ARHGEF26: variants seen among roughly 807,000 people sequenced by gnomAD.
The protein encoded by ARHGEF26 is Rho guanine nucleotide exchange factor (GEF) 26.
ARHGEF26 carries 59 observed loss-of-function variants against 89.4 expected under a neutral mutation model. The ratio of observed to expected loss-of-function variants is 0.66; its 90% confidence interval spans 0.54 to 0.82. The LOEUF is 0.82. ARHGEF26 is among the 40% of genes least tolerant of loss of function. The pLI is 0.00. For missense variants in ARHGEF26, 1,234 were observed against 1,085.6 expected (o/e 1.14, Z -1.92); for synonymous variants, 500 against 428.4 (o/e 1.17, Z -2.06).
chr3:154,153,208 T>C (rs1470662), intron 6 of ARHGEF26, among the ~76,000 whole-genome samples: 106 of 152,124 alleles, frequency 7.0e-4, no homozygotes, highest in African/African-American at 2.0e-3. Context: ...TCAAGGAAAG[T>C]GTCTTCGTTT....
At chr3:154,253,007 A>G (rs355752) in intron 12 of ARHGEF26, 109 bp from the exon 13 acceptor site, 1,077,373 of 1,229,486 alleles carry the variant, frequency 0.88, 473,557 homozygotes, top group East Asian at 1. Context: ...ATACCTCTCT[A>G]GAGAATCTCT....
At chr3:154,128,035 A>G (rs1045892618) in intron 3 of ARHGEF26, among the ~76,000 whole-genome samples, 1 of 152,138 alleles carries the variant, frequency 6.6e-6, no homozygotes, top group Non-Finnish European at 1.5e-5. Flanking sequence ...CATTGACCAA[A>G]TATCTGACTG....
In ARHGEF26 at chr3:154,204,052, G is replaced by A. The variant is rs376387672; in HGVS notation, c.1845+9334G>A. ...GTATTCCCTCCTCCTCTATTTCCTG[G>A]AATAGGTGGGGTAGGGTTGGTATTA... On this transcript the variant is annotated intron_variant, in intron 9 of 14. Coordinates refer to ENST00000465093, the MANE Select transcript of ARHGEF26 (RefSeq NM_015595.4). Among the ~76,000 whole-genome samples the A allele has an allele frequency of 9.9e-5, 15 of 152,160 alleles. No individual in the cohort carries two copies. The East Asian group carries it at 2.5e-3, about 25-fold the overall frequency.
At chr3:154,216,484 T>TTTTTTTTTTA (rs1715735364) in intron 9 of ARHGEF26, among the ~76,000 whole-genome samples, 8 of 37,806 alleles carry the variant, frequency 2.1e-4, no homozygotes, top group South Asian at 2.6e-3. Context: ...ACTTGTTTTT[T>TTTTTTTTTTA]TTTTTTTATT....
At chr3:154,183,962 T>G (rs1713336661) in intron 6 of ARHGEF26, among the ~76,000 whole-genome samples, 1 of 149,454 alleles carries the variant, frequency 6.7e-6, no homozygotes, top group Admixed American at 6.7e-5. Context: ...GTTTCTTCTT[T>G]TTTCAATTTT....
intron 11 of ARHGEF26, among the ~76,000 whole-genome samples, chr3:154,238,725 T>G (rs768435863): frequency 2.2e-4 from 34 of 152,338 alleles, no homozygotes; most frequent in Non-Finnish European, 3.2e-4. Flanking sequence ...CAGTTATTTA[T>G]TGAGCACTCT....
intron 6 of ARHGEF26, among the ~76,000 whole-genome samples, chr3:154,175,611 G>T (rs1712768964): frequency 6.6e-6 from 1 of 152,088 alleles, no homozygotes; most frequent in African/African-American, 2.4e-5. Flanking sequence ...TATCCCCTGA[G>T]AAATACTAAT....
intron 11 of ARHGEF26, among the ~76,000 whole-genome samples, chr3:154,238,528 T>G (rs1343551461): frequency 6.6e-6 from 1 of 152,190 alleles, no homozygotes; most frequent in African/African-American, 2.4e-5. Flanking sequence ...GGAAAATAAA[T>G]TCCAGGAAAT....
intron 3 of ARHGEF26, among the ~76,000 whole-genome samples, chr3:154,125,505 G>A (rs545005980): frequency 3.3e-5 from 5 of 152,242 alleles, no homozygotes; most frequent in Admixed American, 2.6e-4. Context: ...CCAGTAGTAG[G>A]ACACAGATCG....
chr3:154,146,484 A>G (rs990529617), intron 4 of ARHGEF26, among the ~76,000 whole-genome samples: 8 of 152,278 alleles, frequency 5.3e-5, no homozygotes, highest in South Asian at 4.1e-4. Context: ...TTCATAAACT[A>G]TGTTTTGGGT....
chr3:154,242,983 C>T (rs1255582721), intron 12 of ARHGEF26, among the ~76,000 whole-genome samples: 1 of 152,216 alleles, frequency 6.6e-6, no homozygotes, highest in East Asian at 1.9e-4. Context: ...CTTGGGTGGG[C>T]GTGTGCTTGC....
intron 4 of ARHGEF26, among the ~76,000 whole-genome samples, chr3:154,134,115 A>C (rs554371429): frequency 6.6e-6 from 1 of 152,096 alleles, no homozygotes; most frequent in African/African-American, 2.4e-5. Context: ...GGGGTTTTCC[A>C]TATATAGGAT....
intron 10 of ARHGEF26, among the ~76,000 whole-genome samples, chr3:154,225,466 A>T (rs1206740421): frequency 2.6e-5 from 4 of 152,062 alleles, no homozygotes; most frequent in African/African-American, 7.2e-5. Flanking sequence ...TTAGATTCTG[A>T]TTTGAGATAT....
intron 9 of ARHGEF26, among the ~76,000 whole-genome samples, chr3:154,214,975 A>C (rs1715626369): frequency 1.3e-5 from 2 of 152,220 alleles, no homozygotes; most frequent in Non-Finnish European, 2.9e-5. Context: ...AAATTGTTTA[A>C]GTGCCCATTA....
chr3:154,233,898 T>C (rs1034795286), intron 11 of ARHGEF26, among the ~76,000 whole-genome samples: 2 of 152,180 alleles, frequency 1.3e-5, no homozygotes, highest in African/African-American at 4.8e-5. Flanking sequence ...GTAAATATTT[T>C]TTTCGGGACA....
At chr3:154,159,727 G>T (rs1186991907) in intron 6 of ARHGEF26, among the ~76,000 whole-genome samples, 1 of 151,920 alleles carries the variant, frequency 6.6e-6, no homozygotes, top group African/African-American at 2.4e-5. Context: ...TTTCTATTTG[G>T]TAATTAAAAT....
At chr3:154,223,872 T>C (rs1356936033) in intron 10 of ARHGEF26, among the ~76,000 whole-genome samples, 1 of 152,164 alleles carries the variant, frequency 6.6e-6, no homozygotes, top group Non-Finnish European at 1.5e-5. Flanking sequence ...TATCTCAACA[T>C]TAAAAAAATT....
chr3:154,240,445 T>A lies in ARHGEF26; in HGVS notation c.2166T>A (p.Leu722=). ...LLVESCDNEE[L]NSSPGKNSST... The stretch of plus-strand genomic sequence containing the variant: ...TGGAATCTTGTGACAATGAAGAGCT[T>A]AATTCTTCTCCAGGGAAGAACAGCT... Residue 722 remains leucine, a synonymous_variant, in exon 12 of 15, where the codon CTT becomes CTA. Transcript: ENST00000465093. 6.2e-7 allele frequency: 1 copy of A among 1,613,640 alleles called. No individual in the cohort carries two copies. The highest frequency in any genetic ancestry group is 8.5e-7 in the Non-Finnish European group (1 of 1,179,660).
rs895407804 is a variant in ARHGEF26 at position 154,175,907 on chromosome 3, G to A, written c.1488-11778G>A. Among the ~76,000 whole-genome samples, 6 of 152,348 alleles carry A rather than the reference G, an allele frequency of 3.9e-5. No individual in the cohort carries two copies. The South Asian group carries it at 1.2e-3, about 32-fold the overall frequency. ...CCACTTGGGAACTGTAAAGCATTAT[G>A]CAAGGTATAGTTTAGCTATTTAATA... On this transcript the variant is annotated intron_variant, in intron 6 of 14. Transcript: ENST00000465093.
Sources: allele counts gnomAD v4.1 joint callset (sites outside exome capture counted in the v4.1 genomes callset), GRCh38; gene constraint gnomAD v4.1.1; transcripts MANE v1.5; gene names NCBI Gene and HGNC (gene_info 2026-07-23, HGNC 2026-07-21).